Variants in GPHN observed in about 807,000 individuals in gnomAD.
The protein encoded by GPHN is gephyrin.
A neutral mutation model predicts 95.5 loss-of-function variants in GPHN; 17 were observed. The observed-to-expected ratio is 0.18, with a 90% CI of 0.12 to 0.27. The LOEUF is 0.27. GPHN is among the 10% of genes least tolerant of loss of function. GPHN has a pLI of 1.00. For missense variants in GPHN, 660 were observed against 978.1 expected, an observed-to-expected ratio of 0.67 and a Z score of 4.34; for synonymous variants, 320 against 322.5, an observed-to-expected ratio of 0.99 and a Z score of 0.08.
At chr14:67,395,488 C>G in the GPHN span, 10 of 1,613,948 alleles carry the variant, frequency 6.2e-6, no homozygotes, top group African/African-American at 1.3e-4. Context: ...CATGAATAGC[C>G]CCGGTGATCT....
At chr14:67,245,059 C>G in the GPHN span, among the ~76,000 whole-genome samples, 2 of 152,152 alleles carry the variant, frequency 1.3e-5, no homozygotes, top group Admixed American at 1.3e-4. Context: ...TGAGTGGTGT[C>G]TAGAATCTTG....
At chr14:67,055,057 C>T (rs1318733509) in intron 10 of GPHN, among the ~76,000 whole-genome samples, 2 of 152,096 alleles carry the variant, frequency 1.3e-5, no homozygotes, top group Admixed American at 6.6e-5. Flanking sequence ...GTGACAAAAA[C>T]GTCAAAAGCA....
At chr14:66,865,055 A>G (rs1436718958) in intron 4 of GPHN, among the ~76,000 whole-genome samples, 1 of 152,164 alleles carries the variant, frequency 6.6e-6, no homozygotes, top group Non-Finnish European at 1.5e-5. Flanking sequence ...TGTGAGCTAA[A>G]AATGAAAACA....
At chr14:67,682,454 T>A in the GPHN span, among the ~76,000 whole-genome samples, 3 of 152,304 alleles carry the variant, frequency 2.0e-5, no homozygotes, top group East Asian at 5.8e-4. Flanking sequence ...AAGGACTTGA[T>A]AGACATTTCC....
At chr14:67,569,031 C>G in the GPHN span, 1 of 690,172 alleles carries the variant, frequency 1.4e-6, no homozygotes. Context: ...TCACTGCCCC[C>G]CACAGGTCTG....
rs531609361 is a variant in GPHN at position 66,893,898 on chromosome 14, T to C, written c.389+13865T>C. On this transcript the variant is annotated intron_variant, in intron 5 of 22. Transcript: ENST00000478722. ...CAAATGGAAGAACATTCCATGCTCA[T>C]GGATAGGAAGAATCAATATCGTGAA... Among the ~76,000 whole-genome samples, 5 of 152,300 alleles carry C rather than the reference T, an allele frequency of 3.3e-5. No homozygotes were observed. In the East Asian group the frequency reaches 9.6e-4, roughly 29 times the overall value.
the GPHN span, chr14:67,454,272 C>G: frequency 6.6e-6 from 1 of 152,240 alleles, no homozygotes; most frequent in South Asian, 2.1e-4. Context: ...AAATACATAG[C>G]TGACATGCTT....
At chr14:66,778,503 ATGT>A (rs1357392900) in intron 3 of GPHN, among the ~76,000 whole-genome samples, 9 of 152,066 alleles carry the variant, frequency 5.9e-5, no homozygotes, top group African/African-American at 1.7e-4. Flanking sequence ...CTAACATAAT[ATGT>A]TGTTCTTTTT....
the GPHN span, among the ~76,000 whole-genome samples, chr14:67,545,512 A>T: frequency 6.6e-6 from 1 of 152,228 alleles, no homozygotes; most frequent in Non-Finnish European, 1.5e-5. Flanking sequence ...TATTAAATAC[A>T]GATAGGGACA....
the GPHN span, among the ~76,000 whole-genome samples, chr14:67,249,241 C>T: frequency 6.6e-5 from 10 of 152,268 alleles, no homozygotes; most frequent in Admixed American, 1.3e-4. Context: ...GGATTACAGG[C>T]GTGGGCCACC....
chr14:66,704,580 T>G (rs1453043614), intron 2 of GPHN, among the ~76,000 whole-genome samples: 2 of 152,046 alleles, frequency 1.3e-5, no homozygotes, highest in East Asian at 3.9e-4. Context: ...ATAATGAAAT[T>G]AAGGCAGAAT....
At chr14:67,044,083 T>C (rs928336638) in intron 10 of GPHN, among the ~76,000 whole-genome samples, 1 of 152,166 alleles carries the variant, frequency 6.6e-6, no homozygotes, top group African/African-American at 2.4e-5. Flanking sequence ...CCCCATATCA[T>C]CCTAGCACTT....
intron 12 of GPHN, among the ~76,000 whole-genome samples, chr14:67,092,921 C>T (rs1456279186): frequency 1.3e-5 from 2 of 152,122 alleles, no homozygotes; most frequent in Non-Finnish European, 2.9e-5. Context: ...GATGCATTCA[C>T]ATCCTCCTAT....
the GPHN span, among the ~76,000 whole-genome samples, chr14:67,514,230 AC>A: frequency 2.0e-5 from 3 of 151,234 alleles, no homozygotes; most frequent in Non-Finnish European, 4.4e-5. Context: ...GCAGCCAAAC[AC>A]CCCCAGGGAA....
intron 3 of GPHN, among the ~76,000 whole-genome samples, chr14:66,779,873 C>A (rs2153463119): frequency 6.6e-6 from 1 of 151,968 alleles, no homozygotes; most frequent in East Asian, 1.9e-4. Flanking sequence ...TTTTTAAAGC[C>A]TTACTGTGGT....
the GPHN span, among the ~76,000 whole-genome samples, chr14:67,469,352 C>G: frequency 6.6e-6 from 1 of 151,946 alleles, no homozygotes; most frequent in African/African-American, 2.4e-5. Context: ...TCATAGCTCA[C>G]TGCAACCTCC....
the GPHN span, among the ~76,000 whole-genome samples, chr14:67,696,131 C>T: frequency 6.6e-6 from 1 of 151,972 alleles, no homozygotes; most frequent in Non-Finnish European, 1.5e-5. Context: ...TGCTCATACC[C>T]CAGAGGGATT....
the GPHN span, among the ~76,000 whole-genome samples, chr14:67,531,905 A>T: frequency 8.6e-6 from 1 of 116,526 alleles, no homozygotes; most frequent in Admixed American, 8.6e-5. Context: ...AGAAGAACCT[A>T]TGTCCAAAAA....
the GPHN span, chr14:67,196,889 G>C: frequency 5.3e-5 from 8 of 152,092 alleles, no homozygotes; most frequent in Non-Finnish European, 7.4e-5. Context: ...ATAACAGTAA[G>C]GTTTAGAATT....
Sources: gnomAD v4.1 joint callset for allele counts (sites outside exome capture counted in the v4.1 genomes callset) on GRCh38, gnomAD v4.1.1 for gene constraint, MANE v1.5 for transcripts, NCBI Gene and HGNC (gene_info 2026-07-23, HGNC 2026-07-21) for gene names.